Variants in KLHL29 observed in about 807,000 individuals in gnomAD.
The protein encoded by KLHL29 is kelch-like protein 29.
Under a neutral mutation model 80.4 loss-of-function variants are expected in KLHL29, and 21 were observed. The observed-to-expected ratio is 0.26, with a 90% CI of 0.19 to 0.38. KLHL29 has a LOEUF of 0.38. Among genes scored for constraint, KLHL29 ranks in the 10% least tolerant of loss-of-function variants. KLHL29 has a pLI of 1.00. For synonymous variants in KLHL29, 511 were observed against 526.8 expected, an observed-to-expected ratio of 0.97 and a Z score of 0.41; for missense variants, 867 against 1,223.9, an observed-to-expected ratio of 0.71 and a Z score of 4.35.
chr2:23,705,410 TGAA>T (rs1672655141), intron 13 of KLHL29, among the ~76,000 whole-genome samples: 1 of 151,884 alleles, frequency 6.6e-6, no homozygotes. Flanking sequence ...GAGAATTGCT[TGAA>T]CCTGGGAGGC....
intron 5 of KLHL29, among the ~76,000 whole-genome samples, chr2:23,653,712 C>T (rs538516208): frequency 4.3e-4 from 66 of 152,272 alleles, no homozygotes; most frequent in African/African-American, 1.6e-3. Context: ...AATATGGGAG[C>T]CCCCACCCCA....
At chr2:23,453,162 C>CGAT (rs1285580000) in intron 1 of KLHL29, among the ~76,000 whole-genome samples, 2 of 151,806 alleles carry the variant, frequency 1.3e-5, no homozygotes, top group African/African-American at 4.8e-5. Flanking sequence ...TCTATGCCTA[C>CGAT]GATGTTCTTA....
At chr2:23,664,234 C>A (rs924451270) in intron 5 of KLHL29, among the ~76,000 whole-genome samples, 2 of 152,132 alleles carry the variant, frequency 1.3e-5, no homozygotes, top group African/African-American at 4.8e-5. Flanking sequence ...ATGATTAATA[C>A]ACTGCACACT....
rs529622901 is a variant in KLHL29 at position 23,596,003 on chromosome 2, C to T, written c.285+33522C>T. Among the ~76,000 whole-genome samples the T allele has an allele frequency of 2.6e-5, 4 of 152,342 alleles. No individual in the cohort carries two copies. Among genetic ancestry groups the T allele is most frequent in the South Asian group, 4.1e-4 (2 of 4,824 alleles). On this transcript the variant is annotated intron_variant, in intron 3 of 13. Coordinates refer to ENST00000486442, the MANE Select transcript of KLHL29 (RefSeq NM_052920.2). This position sits in a 1 kb window ranked among gnomAD's most constrained non-coding sequence, Gnocchi z 4.4. Reference sequence around the variant, plus strand: ...CATTCCAGAAGGTTTTCACACTCCCCGTGGTTTGTCAGGAGGACACCGTTT... The same window carrying T: ...CATTCCAGAAGGTTTTCACACTCCCTGTGGTTTGTCAGGAGGACACCGTTT...
At chr2:23,606,925 C>G (rs1422397781) in intron 3 of KLHL29, among the ~76,000 whole-genome samples, 1 of 152,212 alleles carries the variant, frequency 6.6e-6, no homozygotes, top group East Asian at 1.9e-4. Flanking sequence ...AACCCACGAT[C>G]AAGGCACCGG....
chr2:23,680,782 T>G lies in KLHL29; in HGVS notation c.941-3617T>G, dbSNP rs1455652317. On this transcript the variant is annotated intron_variant, in intron 5 of 13. Coordinates refer to ENST00000486442, the MANE Select transcript of KLHL29 (RefSeq NM_052920.2). The surrounding 1 kb of genome is among the most constrained non-coding windows in gnomAD (Gnocchi z 4.1). ...TTCTCCTGGGGTCTCTAGGCCATCT[T>G]CTCCTGGGGTCTCTAGGCCATCTTC... Among the ~76,000 whole-genome samples the G allele has an allele frequency of 6.6e-6, 1 of 151,432 alleles. No homozygotes were observed. Among genetic ancestry groups the G allele is most frequent in the African/African-American group, 2.4e-5 (1 of 41,152 alleles).
At chr2:23,659,212 T>C (rs1271312018) in intron 5 of KLHL29, among the ~76,000 whole-genome samples, 1 of 152,224 alleles carries the variant, frequency 6.6e-6, no homozygotes, top group Non-Finnish European at 1.5e-5. Flanking sequence ...CCTGGAGTTG[T>C]GCAGTGTGCA....
chr2:23,544,326 G>T (rs1666927282), intron 2 of KLHL29, among the ~76,000 whole-genome samples: 1 of 152,178 alleles, frequency 6.6e-6, no homozygotes, highest in African/African-American at 2.4e-5. Context: ...GGAGACTGTG[G>T]TGCCTGAGAG....
rs1665900555 is a variant in KLHL29 at position 23,515,710 on chromosome 2, G to A, written c.-46+40043G>A. Among the ~76,000 whole-genome samples, 4 of 152,190 alleles carry A rather than the reference G, an allele frequency of 2.6e-5. No homozygotes were observed. The South Asian group carries it at 8.3e-4, about 31-fold the overall frequency. On this transcript the variant is annotated intron_variant, in intron 2 of 13. Transcript: ENST00000486442. ...TGGAACTGGCACGAATGCTCAAATGGCACATGAAGTGCAGAGAGCACCAAA... is the reference window on the plus strand; with the variant it reads ...TGGAACTGGCACGAATGCTCAAATGACACATGAAGTGCAGAGAGCACCAAA...
intron 1 of KLHL29, among the ~76,000 whole-genome samples, chr2:23,429,116 A>G (rs927789397): frequency 2.6e-5 from 4 of 152,174 alleles, no homozygotes; most frequent in Non-Finnish European, 4.4e-5. Flanking sequence ...CCTCTCCCCA[A>G]CACCAGCCTG....
intron 2 of KLHL29, among the ~76,000 whole-genome samples, chr2:23,523,643 C>T (rs1053252031): frequency 3.3e-5 from 5 of 152,120 alleles, no homozygotes; most frequent in African/African-American, 1.2e-4. Context: ...CCTCATACTT[C>T]CCAGCTGCCT....
At chr2:23,619,606 A>G (rs575062732) in intron 3 of KLHL29, among the ~76,000 whole-genome samples, 53 of 150,186 alleles carry the variant, frequency 3.5e-4, no homozygotes, top group African/African-American at 1.3e-3. Context: ...GGGGTGCAGA[A>G]CACAGGGGAG....
At chr2:23,654,462 A>T (rs1309186761) in intron 5 of KLHL29, among the ~76,000 whole-genome samples, 1 of 152,204 alleles carries the variant, frequency 6.6e-6, no homozygotes, top group African/African-American at 2.4e-5. Context: ...AATAATTTCT[A>T]TATTTTCAGT....
At chr2:23,634,577 G>C (rs1669559109) in intron 3 of KLHL29, among the ~76,000 whole-genome samples, 1 of 152,098 alleles carries the variant, frequency 6.6e-6, no homozygotes, top group Non-Finnish European at 1.5e-5. Context: ...GACTCCCCCA[G>C]GTTCCCCCAG....
At chr2:23,567,861 C>T (rs544562115) in intron 3 of KLHL29, among the ~76,000 whole-genome samples, 11 of 152,200 alleles carry the variant, frequency 7.2e-5, no homozygotes, top group Non-Finnish European at 1.5e-4. Context: ...TTGCTTTCTC[C>T]ATGAACAAGA....
intron 1 of KLHL29, among the ~76,000 whole-genome samples, chr2:23,449,981 A>G (rs1663823368): frequency 6.6e-6 from 1 of 152,218 alleles, no homozygotes; most frequent in Non-Finnish European, 1.5e-5. Context: ...CAGCTGACTC[A>G]GGGACACAGC....
chr2:23,639,190 A>G lies in KLHL29; in HGVS notation c.337A>G (p.Ile113Val). 1.3e-6 allele frequency: 2 copies of G among 1,546,180 alleles called. No individual in the cohort carries two copies. Among genetic ancestry groups the G allele is most frequent in the Non-Finnish European group, 1.7e-6 (2 of 1,144,912 alleles). Residue 113 changes from isoleucine (I) to valine (V), a missense_variant, in exon 4 of 14, where the codon ATC (isoleucine) becomes GTC (valine). Physicochemically the swap from Ile to Val is conservative, Grantham distance 29. Around this residue, in one of 2 missense-constraint regions of KLHL29, gnomAD observed 424 missense variants for 456.9 expected, o/e 0.93. Coordinates refer to ENST00000486442, the MANE Select transcript of KLHL29 (RefSeq NM_052920.2). ...TCAGTCCCAGGGACTGGCGACCAGC[A>G]TCCGGTGGGGGCAGACGCCTATCAA... Reference protein sequence around the residue: ...DSQSQGLATSIRWGQTPINQS... With the variant: ...DSQSQGLATSVRWGQTPINQS...
At chr2:23,497,227 G>T (rs1338087459) in intron 2 of KLHL29, among the ~76,000 whole-genome samples, 4 of 152,134 alleles carry the variant, frequency 2.6e-5, no homozygotes, top group East Asian at 3.9e-4. Context: ...ACTTGAAAAC[G>T]GGATGAAAGT....
chr2:23,626,472 G>A (rs2149146258), intron 3 of KLHL29, among the ~76,000 whole-genome samples: 1 of 152,326 alleles, frequency 6.6e-6, no homozygotes, highest in Middle Eastern at 3.4e-3. Context: ...GAGCAGAGCT[G>A]GGCACTTAGA....
Sources: gnomAD v4.1 joint callset for allele counts (sites outside exome capture counted in the v4.1 genomes callset) on GRCh38, gnomAD v4.1.1 for gene constraint, gnomAD v4.1.1 regional missense constraint, Gnocchi (gnomAD v3.1) non-coding constraint, MANE v1.5 for transcripts, NCBI Gene and HGNC (gene_info 2026-07-23, HGNC 2026-07-21) for gene names.